DHX36: variants seen among roughly 807,000 people sequenced by gnomAD.
The protein encoded by DHX36 is ATP-dependent DNA/RNA helicase DHX36.
DHX36 carries 50 observed loss-of-function variants against 139.0 expected under a neutral mutation model. That is an observed-to-expected ratio of 0.36 (90% CI 0.29 to 0.46). The LOEUF is 0.46. Among genes scored for constraint, DHX36 ranks in the 20% least tolerant of loss-of-function variants. The pLI, the probability that DHX36 is intolerant of heterozygous loss-of-function variation, is 1.00. For synonymous variants in DHX36, 425 were observed against 401.9 expected (o/e 1.06, Z -0.69); for missense variants, 1,024 against 1,211.3 (o/e 0.85, Z 2.29).
chr3:154,322,080 CAAGA>C (rs1553760739), intron 1 of DHX36, among the ~76,000 whole-genome samples: 1 of 152,028 alleles, frequency 6.6e-6, no homozygotes, highest in Non-Finnish European at 1.5e-5. Flanking sequence ...CCTATTTAAA[CAAGA>C]AAGAAAGGTA....
intron 3 of DHX36, among the ~76,000 whole-genome samples, chr3:154,312,720 T>A (rs966599597): frequency 6.6e-6 from 1 of 150,518 alleles, no homozygotes; most frequent in African/African-American, 2.4e-5. Context: ...CACACGCCTG[T>A]AGTCCCAGCT....
chr3:154,285,001 G>C lies in DHX36; in HGVS notation c.2032-14C>G, dbSNP rs572881184. On this transcript the variant is annotated splice_polypyrimidine_tract_variant and intron_variant, in intron 17 of 24. Coordinates refer to ENST00000496811, the MANE Select transcript of DHX36 (RefSeq NM_020865.3). ...ATCCAAAGCGTTCTGTAAAGGAAGAGTGTGTGTTTAAAATAGATCCTGTAA... is the reference window on the plus strand; with the variant it reads ...ATCCAAAGCGTTCTGTAAAGGAAGACTGTGTGTTTAAAATAGATCCTGTAA... 1.5e-4 allele frequency: 240 copies of C among 1,613,736 alleles called. 3 individuals carry two copies. In the South Asian group the frequency reaches 1.7e-3, roughly 11 times the overall value.
intron 3 of DHX36, among the ~76,000 whole-genome samples, chr3:154,314,312 T>C (rs1204063527): frequency 2.6e-5 from 4 of 152,214 alleles, no homozygotes; most frequent in Non-Finnish European, 4.4e-5. Flanking sequence ...TTCTTTCCTA[T>C]TAAGGAAATT....
chr3:154,312,550 T>C (rs1314634044), intron 3 of DHX36, among the ~76,000 whole-genome samples: 1 of 151,426 alleles, frequency 6.6e-6, no homozygotes, highest in African/African-American at 2.4e-5. Flanking sequence ...TTTATTAAGA[T>C]GGAAAAAATC....
chr3:154,280,014 A>G, intron 22 of DHX36: 1 of 152,224 alleles, frequency 6.6e-6, no homozygotes, highest in East Asian at 1.9e-4. Context: ...TTCAATCATA[A>G]TTCTAATACA....
chr3:154,296,476 AAATAAT>A lies in DHX36; in HGVS notation c.1550-1143_1550-1138del, dbSNP rs536569729. ...GTGACAGAGCGAGACTCCGTCTCAA[AAATAAT>A]AATAATAATAATAATAATACATTCC... On this transcript the variant is annotated intron_variant, in intron 12 of 24. Coordinates refer to ENST00000496811, the MANE Select transcript of DHX36 (RefSeq NM_020865.3). Among the ~76,000 whole-genome samples the A allele has an allele frequency of 6.4e-3, 972 of 151,362 alleles. 13 individuals carry two copies. The highest frequency in any genetic ancestry group is 0.021 in the African/African-American group (882 of 41,402).
chr3:154,299,269 C>T (rs1009065732), intron 12 of DHX36, among the ~76,000 whole-genome samples: 1 of 152,056 alleles, frequency 6.6e-6, no homozygotes, highest in Admixed American at 6.6e-5. Flanking sequence ...GAGACTCCAT[C>T]TCAAAATAAA....
chr3:154,302,931 G>T (rs986113283), intron 9 of DHX36, among the ~76,000 whole-genome samples: 6 of 152,148 alleles, frequency 3.9e-5, no homozygotes, highest in Non-Finnish European at 8.8e-5. Context: ...ACAAAAATTA[G>T]CTGGGCATGG....
chr3:154,290,920 G>A (rs1377694007), intron 15 of DHX36, among the ~76,000 whole-genome samples: 1 of 151,102 alleles, frequency 6.6e-6, no homozygotes, highest in Non-Finnish European at 1.5e-5. Flanking sequence ...GGATCACGAG[G>A]TCAGGAGATC....
chr3:154,276,986 A>C (rs1719168864), intron 23 of DHX36, 87 bp from the exon 24 acceptor site: 1 of 1,134,482 alleles, frequency 8.8e-7, no homozygotes, highest in Admixed American at 2.9e-5. Flanking sequence ...GTATTAATTA[A>C]TGAGTATCTT....
chr3:154,315,265 A>C lies in DHX36; in HGVS notation c.384T>G (p.Val128=). The C allele has an allele frequency of 6.2e-7, 1 of 1,612,130 alleles. No individual in the cohort carries two copies. Among genetic ancestry groups the C allele is most frequent in the Non-Finnish European group, 8.5e-7 (1 of 1,179,214 alleles). The change falls in exon 3 of 25, where the codon GTT becomes GTG. Residue 128 remains valine, a synonymous_variant. Coordinates refer to ENST00000496811, the MANE Select transcript of DHX36 (RefSeq NM_020865.3). Reference sequence around the variant, plus strand: ...CTGAGCATGGTGTGTTCTTAGTAGAAACTTCAGTACCGTATCTGTTTTGAC... The same window carrying C: ...CTGAGCATGGTGTGTTCTTAGTAGACACTTCAGTACCGTATCTGTTTTGAC... ...APEDHGYGTE[V]STKNTPCSEN...
chr3:154,280,087 A>T (rs2108331711), intron 22 of DHX36: 1 of 152,570 alleles, frequency 6.6e-6, no homozygotes, highest in South Asian at 2.1e-4. Context: ...GTTTCTCTGT[A>T]TCCTTTAGCT....
At chr3:154,309,893 C>G in intron 4 of DHX36, 70 bp from the exon 5 acceptor site, 1 of 1,222,872 alleles carries the variant, frequency 8.2e-7, no homozygotes, top group South Asian at 1.5e-5. Flanking sequence ...AATCAAAATT[C>G]GACCAAACTG....
In DHX36 at chr3:154,311,651, C is replaced by T. The variant is rs1433041198; in HGVS notation, c.627G>A (p.Ser209=). 1.3e-5 allele frequency: 21 copies of T among 1,597,040 alleles called. No individual in the cohort carries two copies. Among genetic ancestry groups the T allele is most frequent in the Admixed American group, 1.8e-5 (1 of 55,744 alleles). Reference sequence around the variant, plus strand: ...AGCACTTTACCTTTTGCATTCCATACGAAGGCAGCTTTTCTCTGAAATGCT... The same window carrying T: ...AGCACTTTACCTTTTGCATTCCATATGAAGGCAGCTTTTCTCTGAAATGCT... ...EMQHFREKLP[S]YGMQKELVNL... Residue 209 remains serine (S), a synonymous_variant, in exon 4 of 25, where the codon TCG becomes TCA. Transcript: ENST00000496811.
intron 4 of DHX36, among the ~76,000 whole-genome samples, chr3:154,310,705 G>C (rs1712698230): frequency 7.0e-6 from 1 of 143,488 alleles, no homozygotes; most frequent in South Asian, 2.3e-4. Context: ...TTGAACCCGA[G>C]AGTCGGGAGT....
intron 1 of DHX36, among the ~76,000 whole-genome samples, chr3:154,316,564 T>G (rs2108366559): frequency 6.6e-6 from 1 of 152,236 alleles, no homozygotes; most frequent in South Asian, 2.1e-4. Context: ...GGAAATAGTT[T>G]GGTTGTAATG....
intron 9 of DHX36, among the ~76,000 whole-genome samples, chr3:154,302,592 C>G (rs1712340299): frequency 1.3e-5 from 2 of 152,028 alleles, no homozygotes; most frequent in Non-Finnish European, 2.9e-5. Context: ...AAATACAGAA[C>G]TACAGTTAGG....
chr3:154,276,000 A>ATC lies in DHX36; in HGVS notation c.*169_*170dup, dbSNP rs1174801615. The stretch of plus-strand genomic sequence containing the variant: ...ATGGTATATATATATATATATATAT[A>ATC]TCTCTACATATAACATCAAGTCATG... On this transcript the variant is annotated 3_prime_UTR_variant, in exon 25 of 25. Coordinates refer to ENST00000496811, the MANE Select transcript of DHX36 (RefSeq NM_020865.3). 21 of 396,510 alleles carry ATC rather than the reference A, an allele frequency of 5.3e-5. 1 individual carries two copies. Among genetic ancestry groups the ATC allele is most frequent in the African/African-American group, 2.9e-4 (13 of 44,688 alleles). The allele number at this position is 396,510 out of a possible 1,614,324, so 24.6% of individuals were successfully genotyped here.
chr3:154,286,157 T>C (rs1576859237), intron 17 of DHX36, among the ~76,000 whole-genome samples: 1 of 81,994 alleles, frequency 1.2e-5, no homozygotes, highest in Non-Finnish European at 2.2e-5. Flanking sequence ...AATAAGAGCT[T>C]CCACACACCA....
Sources: allele counts gnomAD v4.1 joint callset (sites outside exome capture counted in the v4.1 genomes callset), GRCh38; gene constraint gnomAD v4.1.1; transcripts MANE v1.5; gene names NCBI Gene and HGNC (gene_info 2026-07-23, HGNC 2026-07-21).